The following BCAS3 variants were observed in gnomAD, a reference collection of about 807,000 sequenced individuals.
The protein encoded by BCAS3 is BCAS3 microtubule associated cell migration factor, also known as BCAS4/BCAS3 fusion.
BCAS3 carries 53 observed loss-of-function variants against 116.1 expected under a neutral mutation model. That is an observed-to-expected ratio of 0.46 (90% confidence interval 0.37 to 0.57). The LOEUF (loss-of-function observed/expected upper bound fraction) is 0.57, where lower values mean the gene tolerates loss of function less well. Ranked by LOEUF, BCAS3 falls within the 20% of genes least tolerant of loss-of-function variation. The probability of loss-of-function intolerance (pLI) is 0.00; values close to 1 mark genes in which losing one functional copy is unlikely to be tolerated. For missense variants in BCAS3, 917 were observed against 1,165.4 expected (o/e 0.79, Z 3.10); for synonymous variants, 391 against 408.2 (o/e 0.96, Z 0.51).
intron 6 of BCAS3, among the ~76,000 whole-genome samples, chr17:60,770,834 GTT>G (rs60854011): frequency 3.5e-4 from 27 of 76,784 alleles, no homozygotes; most frequent in African/African-American, 7.6e-4. Context: ...ACTGAAATTT[GTT>G]TTTTTTTTTT....
At chr17:60,989,593 C>T (rs1433739617) in intron 14 of BCAS3, among the ~76,000 whole-genome samples, 1 of 151,290 alleles carries the variant, frequency 6.6e-6, no homozygotes, top group African/African-American at 2.4e-5. Flanking sequence ...TTACATCCTA[C>T]AAGGCCATAT....
chr17:60,799,054 A>C (rs1219272799), intron 6 of BCAS3, among the ~76,000 whole-genome samples: 1 of 152,188 alleles, frequency 6.6e-6, no homozygotes, highest in African/African-American at 2.4e-5. Flanking sequence ...GTTGGCTAAC[A>C]ATCCTTTTAT....
chr17:60,690,390 C>T (rs545956377), intron 4 of BCAS3, among the ~76,000 whole-genome samples: 3 of 151,372 alleles, frequency 2.0e-5, no homozygotes, highest in South Asian at 4.2e-4. Context: ...GGCAACATAG[C>T]GCGACCTTGT....
In BCAS3 at chr17:61,236,235, G is replaced by A. The variant is rs188838057; in HGVS notation, c.2426-132092G>A. Among the ~76,000 whole-genome samples, 13 of 152,332 alleles carry A rather than the reference G, an allele frequency of 8.5e-5. No individual in the cohort carries two copies. In the East Asian group the frequency reaches 1.9e-3, roughly 23 times the overall value. ...GGCAGTGGCATTTTCGTGGTGTTCT[G>A]TAGGAAAGTGGGAGGACAGGGGCAA... On this transcript the variant is annotated intron_variant, in intron 22 of 23. Transcript: ENST00000407086.
At chr17:61,080,524 C>G (rs2072488430) in intron 21 of BCAS3, among the ~76,000 whole-genome samples, 1 of 151,908 alleles carries the variant, frequency 6.6e-6, no homozygotes, top group Admixed American at 6.6e-5. Flanking sequence ...GAGGGTGGAT[C>G]ATGAGGTCAG....
intron 22 of BCAS3, among the ~76,000 whole-genome samples, chr17:61,296,110 T>C (rs780774993): frequency 5.9e-5 from 9 of 152,266 alleles, no homozygotes; most frequent in Non-Finnish European, 1.0e-4. Flanking sequence ...TTTAGAAAAA[T>C]ATTTCCAAAA....
At position 61,239,263 on chromosome 17, in the gene BCAS3, A is replaced by C. The variant is rs2083292126; in HGVS notation, c.2426-129064A>C. 6.6e-6 allele frequency among the ~76,000 whole-genome samples: 1 copy of C among 152,276 alleles called. No individual in the cohort carries two copies. Among genetic ancestry groups the C allele is most frequent in the African/African-American group, 2.4e-5 (1 of 41,476 alleles). On this transcript the variant is annotated intron_variant, in intron 22 of 23. Coordinates refer to ENST00000407086, the MANE Select transcript of BCAS3 (RefSeq NM_017679.5). The surrounding 1 kb of genome is among the most constrained non-coding windows in gnomAD (Gnocchi z 4.2). Reference sequence around the variant, plus strand: ...GTTTGGGTTAGAACAGATTCTCTGCATATCAGATTTGAAGAGAAGATCTTA... The same window carrying C: ...GTTTGGGTTAGAACAGATTCTCTGCCTATCAGATTTGAAGAGAAGATCTTA...
chr17:61,218,153 ACTTG>A (rs1186331096), intron 22 of BCAS3, among the ~76,000 whole-genome samples: 1 of 152,156 alleles, frequency 6.6e-6, no homozygotes, highest in East Asian at 1.9e-4. Flanking sequence ...GCATCTTACA[ACTTG>A]TTCCTCCTGG....
chr17:60,919,531 G>A (rs1698174907), intron 12 of BCAS3, among the ~76,000 whole-genome samples: 1 of 152,070 alleles, frequency 6.6e-6, no homozygotes, highest in Non-Finnish European at 1.5e-5. Flanking sequence ...CACCATGTTG[G>A]CCAGGATGGT....
At chr17:61,071,541 GC>G (rs2071429495) in intron 19 of BCAS3, among the ~76,000 whole-genome samples, 1 of 152,182 alleles carries the variant, frequency 6.6e-6, no homozygotes, top group Non-Finnish European at 1.5e-5. Context: ...TTTCTAACAA[GC>G]TCTGCGAGGG....
intron 6 of BCAS3, among the ~76,000 whole-genome samples, chr17:60,794,344 C>A (rs2047032381): frequency 9.7e-6 from 1 of 102,806 alleles, no homozygotes; most frequent in Non-Finnish European, 2.1e-5. Context: ...TTTTCTCCCA[C>A]TCTATGGATT....
At chr17:60,844,643 T>C (rs2052330330) in intron 7 of BCAS3, among the ~76,000 whole-genome samples, 1 of 152,178 alleles carries the variant, frequency 6.6e-6, no homozygotes, top group African/African-American at 2.4e-5. Context: ...AGGGCCCTTG[T>C]ATCAAGCATG....
intron 22 of BCAS3, among the ~76,000 whole-genome samples, chr17:61,303,004 A>G (rs2053571346): frequency 2.0e-5 from 3 of 152,276 alleles, no homozygotes; most frequent in African/African-American, 7.2e-5. Context: ...TCAACTTGTG[A>G]TGAGTTCCCC....
rs1438832672 is a variant in BCAS3 at position 61,083,776 on chromosome 17, A to G, written c.2328-691A>G. 2.6e-5 allele frequency among the ~76,000 whole-genome samples: 4 copies of G among 151,920 alleles called. No homozygotes were observed. The highest frequency in any genetic ancestry group is 4.8e-5 in the African/African-American group (2 of 41,340). ...ACACCCGGCTAATTTTTGCATTTTT[A>G]GTAGAGACGGGGCTTCACCGTGTTA... is the stretch of plus-strand genomic sequence containing the variant. On this transcript the variant is annotated intron_variant, in intron 21 of 23. Transcript: ENST00000407086. The surrounding 1 kb of genome is among the most constrained non-coding windows in gnomAD (Gnocchi z 4.9).
chr17:60,782,867 C>T (rs1469628287), intron 6 of BCAS3, among the ~76,000 whole-genome samples: 1 of 151,958 alleles, frequency 6.6e-6, no homozygotes, highest in African/African-American at 2.4e-5. Flanking sequence ...GGAATACAGG[C>T]ATGAGCCACC....
chr17:61,174,962 G>A (rs2079053956), intron 22 of BCAS3, among the ~76,000 whole-genome samples: 1 of 152,136 alleles, frequency 6.6e-6, no homozygotes, highest in Non-Finnish European at 1.5e-5. Context: ...CTTTTCTATG[G>A]GAGCTTCTCA....
In BCAS3 at chr17:61,390,458, T is replaced by C. The variant is rs945826131; in HGVS notation, c.2594-1519T>C. On this transcript the variant is annotated intron_variant, in intron 23 of 23. Coordinates refer to ENST00000407086, the MANE Select transcript of BCAS3 (RefSeq NM_017679.5). The surrounding 1 kb of genome is among the most constrained non-coding windows in gnomAD (Gnocchi z 6.8). ...TCAGGCCCTCGGTCCCTGTCCACAGTCCCATCCCCCTACTTTCCCCAATTT... is the reference window on the plus strand; with the variant it reads ...TCAGGCCCTCGGTCCCTGTCCACAGCCCCATCCCCCTACTTTCCCCAATTT... 6.6e-6 allele frequency: 1 copy of C among 152,034 alleles called. No homozygotes were observed. Among genetic ancestry groups the C allele is most frequent in the African/African-American group, 2.4e-5 (1 of 41,294 alleles). 9.4% of individuals were successfully genotyped at this position (152,034 alleles called of 1,614,324 possible).
At chr17:60,851,319 C>T (rs773985086) in intron 7 of BCAS3, 3 of 322,702 alleles carry the variant, frequency 9.3e-6, no homozygotes, top group South Asian at 2.8e-5. Flanking sequence ...AGCCCAGCTT[C>T]GCAAAGGCTC....
Position 61,144,084 on chromosome 17 carries a change from T to C in BCAS3, c.2425+59520T>C, listed in dbSNP as rs1295130968. ...GTTCTGAAAATAAGTTATAAGTTTTTGTTCATTTCATAGGAGGACAGTTGA... is the reference window on the plus strand; with the variant it reads ...GTTCTGAAAATAAGTTATAAGTTTTCGTTCATTTCATAGGAGGACAGTTGA... On this transcript the variant is annotated intron_variant, in intron 22 of 23. Transcript: ENST00000407086. This position sits in a 1 kb window ranked among gnomAD's most constrained non-coding sequence, Gnocchi z 5.0. Among the ~76,000 whole-genome samples the C allele has an allele frequency of 6.6e-6, 1 of 152,226 alleles. No individual in the cohort carries two copies. The highest frequency in any genetic ancestry group is 2.4e-5 in the African/African-American group (1 of 41,452).
Sources: allele counts gnomAD v4.1 joint callset (sites outside exome capture counted in the v4.1 genomes callset), GRCh38; gene constraint gnomAD v4.1.1; non-coding constraint Gnocchi (gnomAD v3.1); transcripts MANE v1.5; gene names NCBI Gene and HGNC (gene_info 2026-07-23, HGNC 2026-07-21).